The following IVD variants were observed in gnomAD, a reference collection of about 807,000 sequenced individuals.
IVD encodes the protein isovaleryl-CoA dehydrogenase, mitochondrial.
IVD carries 31 observed loss-of-function variants against 51.3 expected under a neutral mutation model. The observed-to-expected ratio is 0.60, with a 90% CI of 0.45 to 0.81. The LOEUF is 0.81. Ranked by LOEUF, IVD falls within the 40% of genes least tolerant of loss-of-function variation. The pLI, the probability that IVD is intolerant of heterozygous loss-of-function variation, is 0.00. For synonymous variants in IVD, 205 were observed against 219.4 expected (o/e 0.93, Z 0.58); for missense variants, 475 against 552.0 (o/e 0.86, Z 1.40).
chr15:40,433,089 A>G (rs909689892), intron 7 of IVD, among the ~76,000 whole-genome samples: 1 of 152,230 alleles, frequency 6.6e-6, no homozygotes, highest in African/African-American at 2.4e-5. Flanking sequence ...CTGTACTCAG[A>G]AAGTCTGCAT....
downstream of IVD, among the ~76,000 whole-genome samples, chr15:40,423,925 C>T (rs756449826): frequency 4.6e-5 from 7 of 152,216 alleles, no homozygotes; most frequent in Non-Finnish European, 1.0e-4. Context: ...CCCCTGCCCA[C>T]ACTTGGTACC....
In IVD at chr15:40,418,207, A is replaced by G; in HGVS notation, c.1216A>G (p.Thr406Ala). The G allele has an allele frequency of 3.1e-6, 5 of 1,614,174 alleles. No individual in the cohort carries two copies. The highest frequency in any genetic ancestry group is 4.2e-6 in the Non-Finnish European group (5 of 1,180,034). ...DAKLYEIGAG[T>A]SEVRRLVIGR... ...CAAGCTGTATGAGATAGGGGCTGGG[A>G]CCAGCGAGGTGAGGCGGCTGGTCAT... The change falls in exon 12 of 12, where the codon ACC becomes GCC. Residue 406 changes from threonine (T) to alanine (A), a missense_variant. Transcript: ENST00000487418.
At chr15:40,433,560 A>T (rs971879830) in intron 7 of IVD, among the ~76,000 whole-genome samples, 1 of 152,188 alleles carries the variant, frequency 6.6e-6, no homozygotes, top group Non-Finnish European at 1.5e-5. Context: ...GTCATACTCC[A>T]AGTTGATATC....
Position 40,433,526 on chromosome 15 carries a change from C to A in IVD, c.720-328C>A, listed in dbSNP as rs542750751. Among the ~76,000 whole-genome samples the A allele has an allele frequency of 7.9e-5, 12 of 152,306 alleles. 1 individual carries two copies. The highest frequency in any genetic ancestry group is 2.9e-4 in the African/African-American group (12 of 41,546). On this transcript the variant is annotated intron_variant, in intron 7 of 8. Coordinates refer to the IVD transcript ENST00000473112. ...GCACCCCTGGTCTTCCAGTCCACAG[C>A]ACTGGGAGTTCCTCAGGGGAGAAGT...
At chr15:40,433,918 C>G (rs1420447353) in intron 8 of IVD, 1 of 456,616 alleles carries the variant, frequency 2.2e-6, no homozygotes, top group South Asian at 1.5e-5. Context: ...AATGAAGGTA[C>G]TATTAGAGAT....
intron 8 of IVD, chr15:40,435,329 C>G (rs1893205763): frequency 1.1e-6 from 1 of 928,682 alleles, no homozygotes; most frequent in African/African-American, 1.8e-5. Flanking sequence ...ATTTCTTCCC[C>G]GGGGAAAGAG....
chr15:40,420,583 G>A lies in IVD; in HGVS notation c.*2320G>A. On this transcript the variant is annotated 3_prime_UTR_variant, in exon 12 of 12. Coordinates refer to ENST00000487418, the MANE Select transcript of IVD (RefSeq NM_002225.5). ...CATGAGGGACAGGAAGGTAAAATCA[G>A]CCCTTAGGAGAGAGGTCTCAGCCTC... 1 of 987,564 alleles carries A rather than the reference G, an allele frequency of 1.0e-6. No individual in the cohort carries two copies. The highest frequency in any genetic ancestry group is 1.2e-6 in the Non-Finnish European group (1 of 830,114). The allele number at this position is 987,564 out of a possible 1,614,324, so 61.2% of individuals were successfully genotyped here.
At chr15:40,406,361 C>T (rs1433777560) in intron 1 of IVD, 1 of 1,319,462 alleles carries the variant, frequency 7.6e-7, no homozygotes, top group African/African-American at 1.5e-5. Flanking sequence ...GTATGCTTCT[C>T]ACACCTGGGT....
At position 40,418,241 on chromosome 15, in the gene IVD, C is replaced by T. The variant is rs766159160; in HGVS notation, c.1250C>T (p.Ala417Val). Residue 417 changes from alanine (A) to valine (V), a missense_variant, in exon 12 of 12, where the codon GCC becomes GTC. By Grantham distance (64) the Ala-to-Val change is moderately conservative. Transcript: ENST00000487418. ...GTGAGGCGGCTGGTCATCGGCAGAG[C>T]CTTCAATGCAGACTTTCACTAGTCC... is the stretch of plus-strand genomic sequence containing the variant. ...SEVRRLVIGR[A>V]FNADFH 1.5e-5 allele frequency: 25 copies of T among 1,614,176 alleles called. No homozygotes were observed. Among genetic ancestry groups the T allele is most frequent in the Non-Finnish European group, 2.0e-5 (24 of 1,180,024 alleles).
Position 40,418,483 on chromosome 15 carries a change from G to T in IVD, c.*220G>T. 1 of 1,384,014 alleles carries T rather than the reference G, an allele frequency of 7.2e-7. No individual in the cohort carries two copies. Among genetic ancestry groups the T allele is most frequent in the Non-Finnish European group, 9.4e-7 (1 of 1,064,740 alleles). 85.7% of individuals were successfully genotyped at this position (1,384,014 alleles called of 1,614,324 possible). A position where few individuals can be genotyped will look rare whatever the true frequency, so the allele number is the denominator to read the frequency against. The stretch of plus-strand genomic sequence containing the variant: ...CGGCTAGTGTTGTGTGATTTAAAAT[G>T]GACTCAGCAGGAAGCATATTGTCTG... On this transcript the variant is annotated 3_prime_UTR_variant, in exon 12 of 12. Coordinates refer to ENST00000487418, the MANE Select transcript of IVD (RefSeq NM_002225.5).
chr15:40,418,031 C>G (rs1343106000), intron 11 of IVD, 99 bp from the exon 12 acceptor site: 26 of 1,528,286 alleles, frequency 1.7e-5, no homozygotes, highest in Non-Finnish European at 2.3e-5. Flanking sequence ...TTTAATCACC[C>G]TCTCCTCCTG....
rs1891973369 is a variant in IVD, at chr15:40,418,603, C to G, written c.*340C>G. The G allele has an allele frequency of 3.4e-6, 4 of 1,178,704 alleles. No homozygotes were observed. Among genetic ancestry groups the G allele is most frequent in the Non-Finnish European group, 4.3e-6 (4 of 938,096 alleles). 73.0% of individuals were successfully genotyped at this position (1,178,704 alleles called of 1,614,324 possible). On this transcript the variant is annotated 3_prime_UTR_variant, in exon 12 of 12. Coordinates refer to ENST00000487418, the MANE Select transcript of IVD (RefSeq NM_002225.5). ...TAGGCACCTGGGGGCATGCAGGTGC[C>G]CACCTCCCAGGGTAGGCACCTGGGG... is the stretch of plus-strand genomic sequence containing the variant.
intron 7 of IVD, among the ~76,000 whole-genome samples, chr15:40,429,803 T>A (rs1026519510): frequency 6.6e-6 from 1 of 152,096 alleles, no homozygotes; most frequent in African/African-American, 2.4e-5. Context: ...AAGAACAGAG[T>A]TCTGGGGCCG....
In IVD at chr15:40,419,380, G is replaced by A. The variant is rs886051132; in HGVS notation, c.*1117G>A. Reference sequence around the variant, plus strand: ...ACAAAAATTAGCCAGGGGTGGTGGTGCACGTCTGTAATCCCAGCTACTCAG... The same window carrying A: ...ACAAAAATTAGCCAGGGGTGGTGGTACACGTCTGTAATCCCAGCTACTCAG... On this transcript the variant is annotated 3_prime_UTR_variant, in exon 12 of 12. Transcript: ENST00000487418. 1.4e-5 allele frequency: 6 copies of A among 418,724 alleles called. 1 individual carries two copies. The East Asian group carries it at 2.9e-4, about 20-fold the overall frequency. The allele number at this position is 418,724 out of a possible 1,614,324, so 25.9% of individuals were successfully genotyped here. A position where few individuals can be genotyped will look rare whatever the true frequency, so the allele number is the denominator to read the frequency against.
chr15:40,407,671 C>T lies in IVD; in HGVS notation c.180C>T (p.His60=). Residue 60 remains histidine (H), a synonymous_variant, in exon 2 of 12, where the codon CAC becomes CAT. Coordinates refer to ENST00000487418, the MANE Select transcript of IVD (RefSeq NM_002225.5). ...RQTMAKFLQE[H]LAPKAQEIDR... is the part of the protein sequence containing the mutation. ...CCATGGCTAAGTTCCTTCAGGAGCACCTGGCCCCCAAGGCCCAGGAGATCG... is the reference window on the plus strand; with the variant it reads ...CCATGGCTAAGTTCCTTCAGGAGCATCTGGCCCCCAAGGCCCAGGAGATCG... 2 of 1,614,196 alleles carry T rather than the reference C, an allele frequency of 1.2e-6. No homozygotes were observed. The highest frequency in any genetic ancestry group is 1.7e-6 in the Non-Finnish European group (2 of 1,180,038).
chr15:40,415,184 A>G (rs113981815), intron 8 of IVD: 2 of 753,994 alleles, frequency 2.7e-6, no homozygotes, highest in Non-Finnish European at 4.3e-6. Flanking sequence ...GTAACAGACA[A>G]AAGGCCTGAG....
downstream of IVD, among the ~76,000 whole-genome samples, chr15:40,422,180 C>G (rs1892351663): frequency 6.6e-6 from 1 of 152,206 alleles, no homozygotes; most frequent in Non-Finnish European, 1.5e-5. Context: ...TTCAAGGCCC[C>G]CAGTTTGGGA....
intron 7 of IVD, among the ~76,000 whole-genome samples, chr15:40,413,639 C>G (rs1371545164): frequency 2.0e-5 from 3 of 151,560 alleles, no homozygotes; most frequent in East Asian, 1.9e-4. Flanking sequence ...CTAACCAGAC[C>G]AGGGGCATGG....
chr15:40,413,674 GTTTT>G (rs748369761), intron 7 of IVD, among the ~76,000 whole-genome samples: 6 of 102,120 alleles, frequency 5.9e-5, no homozygotes, highest in East Asian at 4.0e-4. Context: ...GTTTTTTTTT[GTTTT>G]TTTTGTTTGT....
Sources: gnomAD v4.1 joint callset for allele counts (sites outside exome capture counted in the v4.1 genomes callset) on GRCh38, gnomAD v4.1.1 for gene constraint, MANE v1.5 for transcripts, NCBI Gene and HGNC (gene_info 2026-07-23, HGNC 2026-07-21) for gene names.